KIAA1217: variants seen among roughly 807,000 people sequenced by gnomAD.
KIAA1217 encodes KIAA1217, also known as sickle tail protein homolog.
Under a neutral mutation model 163.9 loss-of-function variants are expected in KIAA1217, and 88 were observed. That is an observed-to-expected ratio of 0.54 (90% confidence interval 0.45 to 0.64). The LOEUF (loss-of-function observed/expected upper bound fraction) is 0.64. Ranked by LOEUF, KIAA1217 falls within the 30% of genes least tolerant of loss-of-function variation. KIAA1217 has a pLI of 0.00. For synonymous variants in KIAA1217, 903 were observed against 923.1 expected, an observed-to-expected ratio of 0.98 and a Z score of 0.39; for missense variants, 2,372 against 2,475.0, an observed-to-expected ratio of 0.96 and a Z score of 0.88.
chr10:24,502,235 C>A (rs2067727289), intron 9 of KIAA1217, among the ~76,000 whole-genome samples: 1 of 142,292 alleles, frequency 7.0e-6, no homozygotes, highest in Admixed American at 7.0e-5. Context: ...GGATAGTCAG[C>A]CAAGCTTTTT....
At chr10:24,303,360 C>T (rs1010445249) in intron 2 of KIAA1217, among the ~76,000 whole-genome samples, 5 of 152,002 alleles carry the variant, frequency 3.3e-5, no homozygotes, top group Admixed American at 2.6e-4. Context: ...TTAAAGCAGT[C>T]TGTAGGGGGA....
At chr10:24,169,922 G>A (rs765008468) in intron 2 of KIAA1217, among the ~76,000 whole-genome samples, 21 of 152,094 alleles carry the variant, frequency 1.4e-4, no homozygotes, top group African/African-American at 3.4e-4. Flanking sequence ...AGCTCCCTAA[G>A]TTACTATTTT....
At position 24,478,901 on chromosome 10, in the gene KIAA1217, G is replaced by A. The variant is rs548102264; in HGVS notation, c.1679+4841G>A. Among the ~76,000 whole-genome samples, 31 of 152,200 alleles carry A rather than the reference G, an allele frequency of 2.0e-4. No homozygotes were observed. In the East Asian group the frequency reaches 3.7e-3, roughly 18 times the overall value. On this transcript the variant is annotated intron_variant, in intron 6 of 20. Transcript: ENST00000376454. ...CACTCAAAATTCAAGAGTGCTTATC[G>A]CAAAGTGACTACCTTGCCTTCGAAA... is the stretch of plus-strand genomic sequence containing the variant.
intron 1 of KIAA1217, among the ~76,000 whole-genome samples, chr10:23,753,194 A>G (rs1234077567): frequency 6.6e-6 from 1 of 152,224 alleles, no homozygotes; most frequent in Admixed American, 6.5e-5. Flanking sequence ...AAACACAAAT[A>G]GAGGGAAAAC....
chr10:24,506,012 C>A (rs2068298819), intron 9 of KIAA1217, among the ~76,000 whole-genome samples: 1 of 152,100 alleles, frequency 6.6e-6, no homozygotes, highest in Middle Eastern at 3.4e-3. Flanking sequence ...CCCTGCCAAG[C>A]AGAAATAATA....
intron 1 of KIAA1217, among the ~76,000 whole-genome samples, chr10:23,948,542 T>G (rs1844165099): frequency 6.6e-6 from 1 of 152,122 alleles, no homozygotes; most frequent in African/African-American, 2.4e-5. Context: ...TGTTTCCTAG[T>G]TACAATGTGA....
chr10:24,279,769 T>A (rs1180129982), intron 2 of KIAA1217, among the ~76,000 whole-genome samples: 1 of 152,198 alleles, frequency 6.6e-6, no homozygotes, highest in Non-Finnish European at 1.5e-5. Context: ...TACTTCTCTT[T>A]ACAGTGACAG....
At chr10:23,918,958 G>C (rs1157880104) in intron 1 of KIAA1217, among the ~76,000 whole-genome samples, 1 of 152,114 alleles carries the variant, frequency 6.6e-6, no homozygotes, top group African/African-American at 2.4e-5. Context: ...GGGGAAGCCA[G>C]GTCTCTGATG....
chr10:24,357,905 G>A (rs1186636141), intron 2 of KIAA1217, among the ~76,000 whole-genome samples: 2 of 152,138 alleles, frequency 1.3e-5, no homozygotes, highest in Admixed American at 1.3e-4. Flanking sequence ...TGAGCATTGG[G>A]CCTGTTCCAG....
At chr10:23,734,072 A>G (rs1197471496) in intron 1 of KIAA1217, among the ~76,000 whole-genome samples, 3 of 152,092 alleles carry the variant, frequency 2.0e-5, no homozygotes, top group African/African-American at 4.8e-5. Context: ...TATAAAAATA[A>G]TTCTTTATTA....
At chr10:24,352,089 C>T (rs918501881) in intron 2 of KIAA1217, among the ~76,000 whole-genome samples, 1 of 152,250 alleles carries the variant, frequency 6.6e-6, no homozygotes, top group Non-Finnish European at 1.5e-5. Context: ...TGGCCGTCAG[C>T]GTGGCACTCT....
At chr10:24,025,589 A>G (rs1256349322) in intron 2 of KIAA1217, among the ~76,000 whole-genome samples, 4 of 151,744 alleles carry the variant, frequency 2.6e-5, no homozygotes, top group African/African-American at 9.7e-5. Context: ...GAATCTACAG[A>G]TGAATTGGGG....
intron 2 of KIAA1217, among the ~76,000 whole-genome samples, chr10:24,009,617 G>A (rs1400009683): frequency 6.6e-6 from 1 of 152,120 alleles, no homozygotes; most frequent in Non-Finnish European, 1.5e-5. Flanking sequence ...CATGCATGGG[G>A]TTGACCTGTT....
Position 24,159,860 on chromosome 10 carries a change from G to A in KIAA1217, c.-170-59766G>A, listed in dbSNP as rs140577969. ...ATACAGTGTCTATGATACATATTTAGGTCTATGATATATATAGAGTTTTTA... is the reference window on the plus strand; with the variant it reads ...ATACAGTGTCTATGATACATATTTAAGTCTATGATATATATAGAGTTTTTA... On this transcript the variant is annotated intron_variant, in intron 2 of 18. Transcript: ENST00000376462. Among the ~76,000 whole-genome samples the A allele has an allele frequency of 1.1e-3, 172 of 152,250 alleles. 1 individual carries two copies. Among genetic ancestry groups the A allele is most frequent in the African/African-American group, 4.0e-3 (168 of 41,538 alleles).
At chr10:24,244,354 T>C (rs1186519853) in intron 2 of KIAA1217, among the ~76,000 whole-genome samples, 2 of 152,118 alleles carry the variant, frequency 1.3e-5, no homozygotes, top group African/African-American at 4.8e-5. Context: ...TATTTATTAA[T>C]TTGACTTGAT....
intron 1 of KIAA1217, among the ~76,000 whole-genome samples, chr10:23,784,069 T>TG (rs1276282347): frequency 6.6e-6 from 1 of 152,158 alleles, no homozygotes; most frequent in Non-Finnish European, 1.5e-5. Flanking sequence ...ATTATTGTAT[T>TG]GCTGTCTATT....
intron 1 of KIAA1217, among the ~76,000 whole-genome samples, chr10:23,893,644 C>T: frequency 6.6e-6 from 1 of 151,904 alleles, no homozygotes; most frequent in East Asian, 1.9e-4. Flanking sequence ...TATAAATTTC[C>T]CTCTACACAC....
chr10:23,818,262 G>T (rs1837442762), intron 1 of KIAA1217, among the ~76,000 whole-genome samples: 1 of 135,888 alleles, frequency 7.4e-6, no homozygotes, highest in Non-Finnish European at 1.6e-5. Context: ...TATTTTATAT[G>T]TAATATATAA....
At chr10:24,149,248 C>T (rs12761800) in intron 2 of KIAA1217, among the ~76,000 whole-genome samples, 8,548 of 152,298 alleles carry the variant, frequency 0.056, 324 homozygotes, top group Middle Eastern at 0.088. Context: ...CACACAATCT[C>T]TGCTAACTGC....
Sources: gnomAD v4.1 joint callset for allele counts (sites outside exome capture counted in the v4.1 genomes callset) on GRCh38, gnomAD v4.1.1 for gene constraint, MANE v1.5 for transcripts, NCBI Gene and HGNC (gene_info 2026-07-23, HGNC 2026-07-21) for gene names.